Variants in GSG1 observed in about 807,000 individuals in gnomAD.
GSG1 encodes germ cell-specific gene 1 protein.
In GSG1, 28 loss-of-function variants were observed where a neutral mutation model predicts 30.8. That is an observed-to-expected ratio of 0.91 (90% CI 0.67 to 1.25). GSG1 has a LOEUF of 1.25. Ranked by LOEUF, GSG1 falls within the 50% of genes most tolerant of loss-of-function variation. The pLI, the probability that GSG1 is intolerant of heterozygous loss-of-function variation, is 0.00. For missense variants in GSG1, 435 were observed against 444.7 expected (o/e 0.98, Z 0.20); for synonymous variants, 162 against 178.0 (o/e 0.91, Z 0.71).
Position 13,085,065 on chromosome 12 carries a change from C to T in GSG1, c.925G>A (p.Val309Met), listed in dbSNP as rs369212516. The T allele has an allele frequency of 9.3e-6, 15 of 1,607,280 alleles. No homozygotes were observed. Among genetic ancestry groups the T allele is most frequent in the African/African-American group, 1.3e-5 (1 of 74,844 alleles). ...PRRLSSAAPT[V>M]GPLTSYHQYH... ...TGGTGGTAGCTGGTCAAAGGACCCA[C>T]GGTGGGGGCTGCACTTGACAGCCGC... is the stretch of plus-strand genomic sequence containing the variant. Residue 309 changes from valine (V) to methionine (M), a missense_variant, in exon 7 of 7, where the codon GTG (valine) becomes ATG (methionine). Transcript: ENST00000651961.
rs1234419817 is a variant in GSG1 at position 13,093,835 on chromosome 12, TAAGAG to T, written c.49-3022_49-3018del. On this transcript the variant is annotated intron_variant, in intron 1 of 6. Transcript: ENST00000651961. This position sits in a 1 kb window ranked among gnomAD's most constrained non-coding sequence, Gnocchi z 4.6. ...CCTACTCTCCATGTCATTTTCAGCC[TAAGAG>T]AAGAGGAGGCAAGCTAAAATATGAC... Among the ~76,000 whole-genome samples, 4 of 152,196 alleles carry T rather than the reference TAAGAG, an allele frequency of 2.6e-5. No homozygotes were observed. The highest frequency in any genetic ancestry group is 5.9e-5 in the Non-Finnish European group (4 of 68,032).
rs1417553508 is a variant in GSG1 at position 13,093,075 on chromosome 12, C to T, written c.49-2257G>A. On this transcript the variant is annotated intron_variant, in intron 1 of 6. Coordinates refer to ENST00000651961, the MANE Select transcript of GSG1 (RefSeq NM_001080555.4). This position sits in a 1 kb window ranked among gnomAD's most constrained non-coding sequence, Gnocchi z 4.6. ...CCTCCCAAAGTGCTGGGATTACAGG[C>T]GTTAAGCCACCACGCCTGGCCGGTT... Among the ~76,000 whole-genome samples, 4 of 151,666 alleles carry T rather than the reference C, an allele frequency of 2.6e-5. No homozygotes were observed. Among genetic ancestry groups the T allele is most frequent in the Admixed American group, 6.6e-5 (1 of 15,250 alleles).
At chr12:13,102,456 T>G (rs1441855885) in intron 1 of GSG1, among the ~76,000 whole-genome samples, 2 of 152,216 alleles carry the variant, frequency 1.3e-5, no homozygotes, top group Non-Finnish European at 2.9e-5. Flanking sequence ...ATGACTGGCT[T>G]TTTCTGTCAT....
chr12:13,095,658 T>TC, intron 1 of GSG1: 2 of 1,614,076 alleles, frequency 1.2e-6, no homozygotes, highest in Non-Finnish European at 1.7e-6. Flanking sequence ...CCATCTGCAC[T>TC]CCAAGTCCCT....
At chr12:13,097,966 G>A (rs1862855566) in intron 1 of GSG1, among the ~76,000 whole-genome samples, 1 of 152,062 alleles carries the variant, frequency 6.6e-6, no homozygotes, top group African/African-American at 2.4e-5. Context: ...GAGTTGCTTC[G>A]GATCCTGCTT....
chr12:13,097,835 T>G (rs1465745203), intron 1 of GSG1, among the ~76,000 whole-genome samples: 1 of 152,122 alleles, frequency 6.6e-6, no homozygotes, highest in Non-Finnish European at 1.5e-5. Context: ...TTCCTCCCCC[T>G]CTTCCAGACT....
intron 2 of GSG1, 67 bp downstream of exon 2, chr12:13,090,436 C>T: frequency 6.8e-7 from 1 of 1,469,022 alleles, no homozygotes; most frequent in Non-Finnish European, 9.3e-7. Flanking sequence ...TACCTGATTT[C>T]CATGCCTGCA....
chr12:13,100,900 C>T (rs1371580422), intron 1 of GSG1, among the ~76,000 whole-genome samples: 1 of 152,196 alleles, frequency 6.6e-6, no homozygotes, highest in East Asian at 1.9e-4. Context: ...TAACGTAGGT[C>T]CCGAGTTTTG....
intron 6 of GSG1, among the ~76,000 whole-genome samples, chr12:13,085,947 G>A (rs1466288011): frequency 6.6e-6 from 1 of 152,132 alleles, no homozygotes; most frequent in African/African-American, 2.4e-5. Flanking sequence ...ATTCAAGAAA[G>A]GAAAAGAAGA....
Position 13,098,981 on chromosome 12 carries a change from A to G in GSG1, c.48+4484T>C, listed in dbSNP as rs895314502. On this transcript the variant is annotated intron_variant, in intron 1 of 6. Transcript: ENST00000651961. ...ACCTAATTTACACTTGTAATTGTGT[A>G]CTCTTTTTCTTAAAGAGGGCCTCCG... 5.9e-5 allele frequency among the ~76,000 whole-genome samples: 9 copies of G among 152,066 alleles called. No individual in the cohort carries two copies. In the South Asian group the frequency reaches 6.2e-4, roughly 10 times the overall value.
intron 6 of GSG1, 142 bp from the exon 7 acceptor site, chr12:13,085,385 CTG>C (rs1391739957): frequency 2.8e-6 from 2 of 723,378 alleles, no homozygotes; most frequent in Admixed American, 3.0e-5. Flanking sequence ...AGGTAAAGAA[CTG>C]TGGGAAGAGA....
rs1467009614 is a variant in GSG1 at position 13,093,836 on chromosome 12, A to C, written c.49-3018T>G. 6.6e-6 allele frequency among the ~76,000 whole-genome samples: 1 copy of C among 152,222 alleles called. No individual in the cohort carries two copies. Among genetic ancestry groups the C allele is most frequent in the Non-Finnish European group, 1.5e-5 (1 of 68,034 alleles). On this transcript the variant is annotated intron_variant, in intron 1 of 6. Coordinates refer to ENST00000651961, the MANE Select transcript of GSG1 (RefSeq NM_001080555.4). The surrounding 1 kb of genome is among the most constrained non-coding windows in gnomAD (Gnocchi z 4.6). ...CTACTCTCCATGTCATTTTCAGCCT[A>C]AGAGAAGAGGAGGCAAGCTAAAATA...
rs1866358274 is a variant in GSG1 at position 13,093,475 on chromosome 12, T to G, written c.49-2657A>C. ...GGGCCTGGAGGATAAAAGAGGGCAG[T>G]GAACCTACTGGGATGTGGGGCTATT... On this transcript the variant is annotated intron_variant, in intron 1 of 6. Transcript: ENST00000651961. This position sits in a 1 kb window ranked among gnomAD's most constrained non-coding sequence, Gnocchi z 4.6. Among the ~76,000 whole-genome samples the G allele has an allele frequency of 1.3e-5, 2 of 152,144 alleles. No homozygotes were observed. Among genetic ancestry groups the G allele is most frequent in the Non-Finnish European group, 2.9e-5 (2 of 68,026 alleles).
At chr12:13,092,103 A>T (rs1351232493) in intron 1 of GSG1, among the ~76,000 whole-genome samples, 4 of 152,246 alleles carry the variant, frequency 2.6e-5, no homozygotes, top group African/African-American at 9.6e-5. Context: ...AAGGTGATCC[A>T]CCAGAGAGGA....
At chr12:13,086,821 G>A (rs1261272724) in intron 6 of GSG1, among the ~76,000 whole-genome samples, 1 of 151,920 alleles carries the variant, frequency 6.6e-6, no homozygotes, top group Non-Finnish European at 1.5e-5. Flanking sequence ...GAAAAAAAAA[G>A]AGCACATTTC....
At chr12:13,089,954 CAATAG>C (rs1865920809) in intron 2 of GSG1, among the ~76,000 whole-genome samples, 1 of 152,130 alleles carries the variant, frequency 6.6e-6, no homozygotes, top group Non-Finnish European at 1.5e-5. Flanking sequence ...GAGGCTGAGG[CAATAG>C]AATCGCTTGA....
At position 13,085,491 on chromosome 12, in the gene GSG1, G is replaced by A. The variant is rs145695245; in HGVS notation, c.747-248C>T. On this transcript the variant is annotated intron_variant, in intron 6 of 6. Transcript: ENST00000651961. ...GTTTTCACTGAATTGATGAGTTGTC[G>A]GTGCCATGCCCTTTTCTATCTGGTG... 1.1e-3 allele frequency among the ~76,000 whole-genome samples: 169 copies of A among 151,330 alleles called. 1 individual carries two copies. The highest frequency in any genetic ancestry group is 0.01 in the South Asian group (48 of 4,768).
chr12:13,099,751 T>TTTG (rs1863029948), intron 1 of GSG1, among the ~76,000 whole-genome samples: 2 of 72,044 alleles, frequency 2.8e-5, no homozygotes, highest in African/African-American at 2.0e-4. Flanking sequence ...TTTTTTTTTG[T>TTTG]TTTTTTTTTT....
chr12:13,089,840 C>T (rs185990459), intron 2 of GSG1, among the ~76,000 whole-genome samples: 21 of 152,188 alleles, frequency 1.4e-4, no homozygotes, highest in East Asian at 7.7e-4. Flanking sequence ...CACCTGAGGT[C>T]GGGAGTTCGA....
Sources: gnomAD v4.1 joint callset for allele counts (sites outside exome capture counted in the v4.1 genomes callset) on GRCh38, gnomAD v4.1.1 for gene constraint, Gnocchi (gnomAD v3.1) non-coding constraint, MANE v1.5 for transcripts, NCBI Gene and HGNC (gene_info 2026-07-23, HGNC 2026-07-21) for gene names.